Variants in SORCS3 observed in about 807,000 individuals in gnomAD.
The protein encoded by SORCS3 is sortilin related VPS10 domain containing receptor 3, also known as VPS10 domain-containing receptor SorCS3.
In SORCS3, 57 loss-of-function variants were observed where a neutral mutation model predicts 146.3. That is an observed-to-expected ratio of 0.39 (90% CI 0.31 to 0.49). The LOEUF (loss-of-function observed/expected upper bound fraction) is 0.49, where lower values mean the gene tolerates loss of function less well. Ranked by LOEUF, SORCS3 falls within the 20% of genes least tolerant of loss-of-function variation. The pLI is 0.92. For missense variants in SORCS3, 1,341 were observed against 1,575.5 expected, an observed-to-expected ratio of 0.85 and a Z score of 2.52; for synonymous variants, 653 against 618.5, an observed-to-expected ratio of 1.06 and a Z score of -0.83.
chr10:105,098,357 A>G (rs149784397), intron 6 of SORCS3, among the ~76,000 whole-genome samples: 268 of 152,364 alleles, frequency 1.8e-3, no homozygotes, highest in African/African-American at 6.2e-3. Flanking sequence ...AAGTCAGAAC[A>G]TATAAGAAAT....
intron 1 of SORCS3, among the ~76,000 whole-genome samples, chr10:104,722,251 C>T (rs1292637241): frequency 1.3e-5 from 2 of 152,078 alleles, no homozygotes; most frequent in African/African-American, 2.4e-5. Flanking sequence ...GGTTTTTGTC[C>T]TTGGTTCTGT....
chr10:104,775,040 G>A (rs1289298909), intron 1 of SORCS3, among the ~76,000 whole-genome samples: 4 of 152,186 alleles, frequency 2.6e-5, no homozygotes, highest in Non-Finnish European at 1.5e-5. Flanking sequence ...AGGAGCCTGG[G>A]ATGTGTGTGT....
intron 1 of SORCS3, among the ~76,000 whole-genome samples, chr10:104,773,973 A>G (rs2017280375): frequency 6.6e-6 from 1 of 152,154 alleles, no homozygotes. Flanking sequence ...CAGAATTTGC[A>G]TTTAGCACCA....
In SORCS3 at chr10:104,677,982, T is replaced by C. The variant is rs1365040806; in HGVS notation, c.627+36028T>C. Among the ~76,000 whole-genome samples, 3 of 152,108 alleles carry C rather than the reference T, an allele frequency of 2.0e-5. No homozygotes were observed. In the South Asian group the frequency reaches 6.2e-4, roughly 32 times the overall value. ...AGTATGAAGGATGATGACCAGACAT[T>C]TGTTTAAAGCAGGAGGCACACCCAC... is the stretch of plus-strand genomic sequence containing the variant. On this transcript the variant is annotated intron_variant, in intron 1 of 26. Coordinates refer to ENST00000369701, the MANE Select transcript of SORCS3 (RefSeq NM_014978.3).
intron 1 of SORCS3, among the ~76,000 whole-genome samples, chr10:104,783,536 T>C (rs1368637619): frequency 1.3e-5 from 2 of 152,176 alleles, no homozygotes; most frequent in Admixed American, 6.5e-5. Context: ...TAGTTCAGCC[T>C]GGCCAACATG....
intron 4 of SORCS3, among the ~76,000 whole-genome samples, chr10:104,987,235 G>A (rs60083048): frequency 0.076 from 11,598 of 152,034 alleles, 503 homozygotes; most frequent in African/African-American, 0.11. Context: ...AAAGGAATGA[G>A]GGAGAAAAAT....
intron 7 of SORCS3, among the ~76,000 whole-genome samples, chr10:105,122,732 A>G (rs1452265): frequency 0.48 from 73,451 of 151,546 alleles, 18,277 homozygotes; most frequent in Non-Finnish European, 0.54. Flanking sequence ...ACTCTCCAGG[A>G]CAGTGCTTCC....
At chr10:104,862,598 G>A (rs1307655781) in intron 2 of SORCS3, among the ~76,000 whole-genome samples, 1 of 151,694 alleles carries the variant, frequency 6.6e-6, no homozygotes, top group Non-Finnish European at 1.5e-5. Context: ...TAGTTAATCT[G>A]TTGGGGACTT....
At chr10:104,702,733 G>C (rs189761352) in intron 1 of SORCS3, among the ~76,000 whole-genome samples, 15 of 152,300 alleles carry the variant, frequency 9.8e-5, no homozygotes, top group Middle Eastern at 3.4e-3. Flanking sequence ...CTGTTCTGGT[G>C]CTGGGGTTCA....
In SORCS3 at chr10:105,079,557, A is replaced by G. The variant is rs149400811; in HGVS notation, c.1029-10218A>G. 3.2e-4 allele frequency among the ~76,000 whole-genome samples: 48 copies of G among 152,268 alleles called. No individual in the cohort carries two copies. In the East Asian group the frequency reaches 7.5e-3, roughly 24 times the overall value. On this transcript the variant is annotated intron_variant, in intron 5 of 26. Transcript: ENST00000369701. ...TATATTTCTTTTTTAATTGGTCTCA[A>G]TGTGCCTTTATTTTTTTAAACTTTT...
At chr10:105,208,122 A>T (rs2056613631) in intron 16 of SORCS3, among the ~76,000 whole-genome samples, 6 of 152,120 alleles carry the variant, frequency 3.9e-5, no homozygotes, top group Admixed American at 3.9e-4. Flanking sequence ...TGGGCAGATC[A>T]CTTGAGGTCA....
At chr10:104,944,706 G>A (rs1218775663) in intron 3 of SORCS3, among the ~76,000 whole-genome samples, 1 of 152,186 alleles carries the variant, frequency 6.6e-6, no homozygotes, top group Middle Eastern at 3.2e-3. Context: ...AATATCAAGT[G>A]TTGGCAAGAA....
intron 1 of SORCS3, among the ~76,000 whole-genome samples, chr10:104,652,204 A>G (rs2015571425): frequency 1.3e-5 from 2 of 152,084 alleles, no homozygotes; most frequent in Admixed American, 1.3e-4. Context: ...AAGCAGATAT[A>G]TTTTCATTCA....
intron 22 of SORCS3, among the ~76,000 whole-genome samples, chr10:105,248,684 C>T (rs2056881533): frequency 7.2e-6 from 1 of 137,976 alleles, no homozygotes; most frequent in African/African-American, 2.7e-5. Flanking sequence ...CACTGCACTC[C>T]AGCCTGGTGA....
intron 2 of SORCS3, among the ~76,000 whole-genome samples, chr10:104,860,806 T>C (rs193229104): frequency 6.6e-6 from 1 of 152,258 alleles, no homozygotes; most frequent in African/African-American, 2.4e-5. Context: ...GCTTACTAGG[T>C]GTTTGAGCTG....
At chr10:104,874,596 G>A (rs1439223428) in intron 2 of SORCS3, among the ~76,000 whole-genome samples, 1 of 152,044 alleles carries the variant, frequency 6.6e-6, no homozygotes, top group Non-Finnish European at 1.5e-5. Flanking sequence ...AAAACAAATG[G>A]AAGTAAACCT....
intron 15 of SORCS3, 111 bp downstream of exon 15, chr10:105,200,227 CT>C: frequency 1.3e-6 from 1 of 788,192 alleles, no homozygotes; most frequent in Non-Finnish European, 2.1e-6. Context: ...AGTGGGTCAT[CT>C]GAGGATGTGG....
At chr10:104,796,560 C>G (rs1284114453) in intron 1 of SORCS3, among the ~76,000 whole-genome samples, 4 of 151,854 alleles carry the variant, frequency 2.6e-5, no homozygotes, top group African/African-American at 9.7e-5. Flanking sequence ...TATGATTACT[C>G]TGCATTTATG....
chr10:104,972,475 A>G (rs1589572882), intron 3 of SORCS3, among the ~76,000 whole-genome samples: 1 of 152,200 alleles, frequency 6.6e-6, no homozygotes, highest in African/African-American at 2.4e-5. Context: ...TCATAAAACC[A>G]CTTAATTAAA....
Sources: allele counts gnomAD v4.1 joint callset (sites outside exome capture counted in the v4.1 genomes callset), GRCh38; gene constraint gnomAD v4.1.1; transcripts MANE v1.5; gene names NCBI Gene and HGNC (gene_info 2026-07-23, HGNC 2026-07-21).